The following CDH11 variants were observed in gnomAD, a reference collection of about 807,000 sequenced individuals.
CDH11 encodes the protein cadherin-11.
A neutral mutation model predicts 67.8 loss-of-function variants in CDH11; 11 were observed. The ratio of observed to expected loss-of-function variants is 0.16; its 90% confidence interval spans 0.10 to 0.27. CDH11 has a LOEUF of 0.27. CDH11 is among the 10% of genes least tolerant of loss of function. The probability of loss-of-function intolerance (pLI) is 1.00; values close to 1 mark genes in which losing one functional copy is unlikely to be tolerated. For missense variants in CDH11, 847 were observed against 1,031.2 expected, an observed-to-expected ratio of 0.82 and a Z score of 2.45; for synonymous variants, 419 against 400.0, an observed-to-expected ratio of 1.05 and a Z score of -0.57.
intron 2 of CDH11, among the ~76,000 whole-genome samples, chr16:65,035,627 T>C (rs1220276613): frequency 1.3e-5 from 2 of 152,164 alleles, no homozygotes; most frequent in Non-Finnish European, 2.9e-5. Flanking sequence ...CCACAATGTT[T>C]ATGGAATACC....
In CDH11 at chr16:64,952,011, G is replaced by C. The variant is rs2071376548; in HGVS notation, c.1643-993C>G. On this transcript the variant is annotated intron_variant, in intron 11 of 12. Coordinates refer to ENST00000268603, the MANE Select transcript of CDH11 (RefSeq NM_001797.4). Reference sequence around the variant, plus strand: ...AACCTAGATTTCACCTTGCTTCCCAGGCTCACCTCCTACTTTTTCCACATG... The same window carrying C: ...AACCTAGATTTCACCTTGCTTCCCACGCTCACCTCCTACTTTTTCCACATG... Among the ~76,000 whole-genome samples, 3 of 152,214 alleles carry C rather than the reference G, an allele frequency of 2.0e-5. No homozygotes were observed. In the South Asian group the frequency reaches 6.2e-4, roughly 32 times the overall value.
At chr16:65,071,639 G>A (rs537745903) in intron 1 of CDH11, among the ~76,000 whole-genome samples, 6 of 152,266 alleles carry the variant, frequency 3.9e-5, no homozygotes, top group South Asian at 2.1e-4. Context: ...ACAATCTGGC[G>A]ATGGGATCCA....
In CDH11 at chr16:64,945,954, T is replaced by C; in HGVS notation, c.*1649A>G. The C allele has an allele frequency of 1.9e-6, 2 of 1,058,040 alleles. No individual in the cohort carries two copies. Among genetic ancestry groups the C allele is most frequent in the Non-Finnish European group, 2.3e-6 (2 of 874,812 alleles). 65.5% of individuals were successfully genotyped at this position (1,058,040 alleles called of 1,614,324 possible). A position where few individuals can be genotyped will look rare whatever the true frequency, so the allele number is the denominator to read the frequency against. Reference sequence around the variant, plus strand: ...TGACTTTATGTGGTCTTTCCCCAAGTATTGCTACGTTTTGACCTTTGGCCC... The same window carrying C: ...TGACTTTATGTGGTCTTTCCCCAAGCATTGCTACGTTTTGACCTTTGGCCC... On this transcript the variant is annotated 3_prime_UTR_variant, in exon 13 of 13. Coordinates refer to ENST00000268603, the MANE Select transcript of CDH11 (RefSeq NM_001797.4).
At chr16:65,036,690 T>C (rs2073761733) in intron 2 of CDH11, among the ~76,000 whole-genome samples, 1 of 152,132 alleles carries the variant, frequency 6.6e-6, no homozygotes, top group African/African-American at 2.4e-5. Flanking sequence ...CCTATTGCCA[T>C]TTCTAAAATG....
intron 1 of CDH11, among the ~76,000 whole-genome samples, chr16:65,068,103 GAAGGAGGGATGA>G (rs369475134): frequency 1.1e-3 from 141 of 123,430 alleles, no homozygotes; most frequent in African/African-American, 4.2e-3. Flanking sequence ...AGAAAGGCGG[GAAGGAGGGATGA>G]AAGGAGGGAG....
chr16:64,963,207 T>C (rs539484684), intron 11 of CDH11, among the ~76,000 whole-genome samples: 11 of 152,230 alleles, frequency 7.2e-5, no homozygotes, highest in Admixed American at 5.9e-4. Flanking sequence ...ATGGATAAAG[T>C]GGACAACATT....
chr16:65,030,523 C>T (rs752136440), intron 2 of CDH11, among the ~76,000 whole-genome samples: 2 of 152,098 alleles, frequency 1.3e-5, no homozygotes, highest in Non-Finnish European at 2.9e-5. Flanking sequence ...ACAAAAGCAA[C>T]GTTGTTGGGC....
chr16:65,027,483 C>G (rs952600217), intron 2 of CDH11, among the ~76,000 whole-genome samples: 2 of 152,190 alleles, frequency 1.3e-5, no homozygotes, highest in African/African-American at 4.8e-5. Context: ...ATTGGTTGGG[C>G]AGAAAGTAAG....
chr16:64,954,558 C>T (rs2071451818), intron 11 of CDH11, among the ~76,000 whole-genome samples: 1 of 152,128 alleles, frequency 6.6e-6, no homozygotes, highest in Non-Finnish European at 1.5e-5. Context: ...GAAAACTTAA[C>T]ACACATTACT....
chr16:65,016,444 T>C (rs2073311518), intron 2 of CDH11, among the ~76,000 whole-genome samples: 1 of 152,160 alleles, frequency 6.6e-6, no homozygotes, highest in South Asian at 2.1e-4. Context: ...CAGGCAGGAC[T>C]TTCAAAGGCA....
intron 1 of CDH11, among the ~76,000 whole-genome samples, chr16:65,103,176 G>T (rs982317414): frequency 6.6e-5 from 10 of 152,232 alleles, no homozygotes; most frequent in South Asian, 2.1e-4. Flanking sequence ...TAACCTGGGT[G>T]TTGAAAGCAG....
chr16:65,045,127 A>G (rs2142685509), intron 2 of CDH11, among the ~76,000 whole-genome samples: 1 of 151,618 alleles, frequency 6.6e-6, no homozygotes, highest in Non-Finnish European at 1.5e-5. Flanking sequence ...GGTTTGGGGC[A>G]ATGAATCACC....
chr16:65,067,252 T>C (rs2074328317), intron 1 of CDH11, among the ~76,000 whole-genome samples: 2 of 151,812 alleles, frequency 1.3e-5, no homozygotes, highest in Non-Finnish European at 2.9e-5. Context: ...CTTTGAATTT[T>C]TACAGAACCT....
At chr16:64,992,830 A>G (rs1037250881) in intron 5 of CDH11, 85 bp downstream of exon 5, 7 of 1,317,068 alleles carry the variant, frequency 5.3e-6, no homozygotes, top group Non-Finnish European at 6.4e-6. Context: ...CATATTTGAG[A>G]AAACAGAGTA....
In CDH11 at chr16:64,944,705, C is replaced by G; in HGVS notation, c.*2898G>C. On this transcript the variant is annotated 3_prime_UTR_variant, in exon 13 of 13. Transcript: ENST00000268603. Reference sequence around the variant, plus strand: ...AACTACTCTTTTATCTTCCCTGTCACCCCCAGAAACCCAGGCCTAAAAGAA... The same window carrying G: ...AACTACTCTTTTATCTTCCCTGTCAGCCCCAGAAACCCAGGCCTAAAAGAA... 1 of 231,690 alleles carries G rather than the reference C, an allele frequency of 4.3e-6. No individual in the cohort carries two copies. Among genetic ancestry groups the G allele is most frequent in the Non-Finnish European group, 8.5e-6 (1 of 117,056 alleles). 14.4% of individuals were successfully genotyped at this position (231,690 alleles called of 1,614,324 possible). A position where few individuals can be genotyped will look rare whatever the true frequency, so the allele number is the denominator to read the frequency against.
At chr16:65,010,220 T>G (rs1046100431) in intron 2 of CDH11, among the ~76,000 whole-genome samples, 1 of 152,180 alleles carries the variant, frequency 6.6e-6, no homozygotes, top group Non-Finnish European at 1.5e-5. Flanking sequence ...AACCCCATTC[T>G]GTATCTGCAA....
chr16:65,015,015 T>TTTATTATTATTATTATTATTA (rs71143548), intron 2 of CDH11, among the ~76,000 whole-genome samples: 8 of 135,890 alleles, frequency 5.9e-5, no homozygotes, highest in African/African-American at 2.2e-4. Context: ...GCCTGGCTAA[T>TTTATTATTATTATTATTATTA]TTATTATTAT....
intron 3 of CDH11, among the ~76,000 whole-genome samples, chr16:64,999,359 A>T (rs1435592773): frequency 6.6e-6 from 1 of 152,178 alleles, no homozygotes; most frequent in Admixed American, 6.5e-5. Flanking sequence ...ATCTACACAG[A>T]TACATATGTA....
chr16:65,001,872 G>T (rs539445522), intron 3 of CDH11, among the ~76,000 whole-genome samples: 1 of 150,660 alleles, frequency 6.6e-6, no homozygotes. Context: ...TGAGGCATAC[G>T]CAGCCAATTC....
Sources: gnomAD v4.1 joint callset for allele counts (sites outside exome capture counted in the v4.1 genomes callset) on GRCh38, gnomAD v4.1.1 for gene constraint, MANE v1.5 for transcripts, NCBI Gene and HGNC (gene_info 2026-07-23, HGNC 2026-07-21) for gene names.